The following ANO3 variants were observed in gnomAD, a reference collection of about 807,000 sequenced individuals.
The protein encoded by ANO3 is anoctamin 3.
A neutral mutation model predicts 144.8 loss-of-function variants in ANO3; 99 were observed. The observed-to-expected ratio is 0.68, with a 90% CI of 0.58 to 0.81. The LOEUF (loss-of-function observed/expected upper bound fraction) is 0.81. Among genes scored for constraint, ANO3 ranks in the 30% least tolerant of loss-of-function variants. The pLI, the probability that ANO3 is intolerant of heterozygous loss-of-function variation, is 0.00. For missense variants in ANO3, 905 were observed against 1,202.2 expected (o/e 0.75, Z 3.66); for synonymous variants, 414 against 392.6 (o/e 1.05, Z -0.64).
chr11:26,222,277 C>T (rs561857629), intron 1 of ANO3, among the ~76,000 whole-genome samples: 17 of 152,384 alleles, frequency 1.1e-4, no homozygotes, highest in Middle Eastern at 3.4e-3. Flanking sequence ...CCCTGGACTC[C>T]ATATACCACA....
intron 3 of ANO3, among the ~76,000 whole-genome samples, chr11:26,456,525 A>G (rs931200283): frequency 1.4e-5 from 2 of 145,010 alleles, no homozygotes; most frequent in Non-Finnish European, 3.0e-5. Context: ...CCACAATGAG[A>G]TATCATCTCA....
chr11:26,579,137 T>C (rs972418430), intron 14 of ANO3, among the ~76,000 whole-genome samples: 1 of 152,226 alleles, frequency 6.6e-6, no homozygotes, highest in East Asian at 1.9e-4. Flanking sequence ...TATTATAACT[T>C]ATCTTACCAC....
At chr11:26,363,579 G>C (rs1378552310) in intron 1 of ANO3, among the ~76,000 whole-genome samples, 2 of 152,072 alleles carry the variant, frequency 1.3e-5, no homozygotes, top group Non-Finnish European at 2.9e-5. Context: ...AACCAAAAAT[G>C]CCTCTTTAAA....
chr11:26,511,974 C>G (rs1475275309), intron 5 of ANO3, among the ~76,000 whole-genome samples: 1 of 152,068 alleles, frequency 6.6e-6, no homozygotes, highest in East Asian at 1.9e-4. Context: ...TAGTTTAAGA[C>G]TTTTGATCAT....
intron 1 of ANO3, among the ~76,000 whole-genome samples, chr11:26,193,539 C>A (rs1165484926): frequency 6.6e-6 from 1 of 152,100 alleles, no homozygotes. Context: ...TTTGATTGCC[C>A]TTTACTTTTT....
intron 13 of ANO3, among the ~76,000 whole-genome samples, chr11:26,558,861 T>G (rs1850171012): frequency 6.6e-6 from 1 of 152,060 alleles, no homozygotes; most frequent in Non-Finnish European, 1.5e-5. Flanking sequence ...TACTGTTCTT[T>G]AACCCATGAT....
chr11:26,399,827 C>T (rs868660580), intron 1 of ANO3, among the ~76,000 whole-genome samples: 12 of 152,044 alleles, frequency 7.9e-5, no homozygotes, highest in Middle Eastern at 3.4e-3. Context: ...AGTCTTTCTC[C>T]CTGCCCTTTG....
At chr11:26,402,329 A>C (rs191149797) in intron 1 of ANO3, among the ~76,000 whole-genome samples, 1 of 152,030 alleles carries the variant, frequency 6.6e-6, no homozygotes, top group Non-Finnish European at 1.5e-5. Context: ...AATAATAACT[A>C]TTCTCACTGG....
At chr11:26,481,948 C>T (rs1860235469) in intron 4 of ANO3, among the ~76,000 whole-genome samples, 2 of 151,984 alleles carry the variant, frequency 1.3e-5, no homozygotes, top group South Asian at 2.1e-4. Flanking sequence ...ACTGGAGTGC[C>T]GTGGTGAAAT....
chr11:26,641,885 C>G lies in ANO3; in HGVS notation c.2142-11C>G. ...AGAGCTCAAAAGTCCTTGGTCTGCT[C>G]TGTGATGTAGGTTGATCCAGAACTG... is the stretch of plus-strand genomic sequence containing the variant. On this transcript the variant is annotated splice_polypyrimidine_tract_variant and intron_variant, in intron 21 of 26. Coordinates refer to ENST00000256737, the MANE Select transcript of ANO3 (RefSeq NM_031418.4). 6.2e-7 allele frequency: 1 copy of G among 1,613,574 alleles called. No individual in the cohort carries two copies. Among genetic ancestry groups the G allele is most frequent in the Non-Finnish European group, 8.5e-7 (1 of 1,179,782 alleles).
intron 3 of ANO3, among the ~76,000 whole-genome samples, chr11:26,448,277 C>T: frequency 8.4e-6 from 1 of 119,754 alleles, no homozygotes; most frequent in Non-Finnish European, 1.7e-5. Context: ...CCAGCCTGGG[C>T]AACAAAAGCG....
At chr11:26,509,612 G>A (rs980559779) in intron 5 of ANO3, among the ~76,000 whole-genome samples, 3 of 151,924 alleles carry the variant, frequency 2.0e-5, no homozygotes, top group Non-Finnish European at 2.9e-5. Context: ...TGCGCCCGGC[G>A]CTACTATTGG....
At chr11:26,624,094 G>A (rs920914179) in intron 17 of ANO3, among the ~76,000 whole-genome samples, 1 of 151,978 alleles carries the variant, frequency 6.6e-6, no homozygotes, top group African/African-American at 2.4e-5. Flanking sequence ...CCAAAAAACT[G>A]TAATTTTGAG....
At chr11:26,191,106 G>C (rs529412595) in intron 1 of ANO3, among the ~76,000 whole-genome samples, 6 of 152,008 alleles carry the variant, frequency 3.9e-5, no homozygotes, top group South Asian at 2.1e-4. Context: ...AAGAAACCCT[G>C]TGTCTACTAA....
At position 26,452,936 on chromosome 11, in the gene ANO3, A is replaced by C. The variant is rs1445051075; in HGVS notation, c.313+9100A>C. Among the ~76,000 whole-genome samples the C allele has an allele frequency of 2.0e-5, 3 of 152,330 alleles. No homozygotes were observed. The East Asian group carries it at 5.8e-4, about 29-fold the overall frequency. On this transcript the variant is annotated intron_variant, in intron 3 of 26. Transcript: ENST00000256737. The stretch of plus-strand genomic sequence containing the variant: ...TGGGGCCCAATATTCAACATTCTTA[A>C]AGAAAACAATTTTCAACCCAGAATT...
At chr11:26,632,657 AG>A (rs1852825186) in intron 18 of ANO3, among the ~76,000 whole-genome samples, 1 of 151,280 alleles carries the variant, frequency 6.6e-6, no homozygotes, top group Non-Finnish European at 1.5e-5. Context: ...TATGCCCAAC[AG>A]GAACACAAAT....
chr11:26,540,076 A>G (rs1849606694), intron 10 of ANO3, among the ~76,000 whole-genome samples: 1 of 152,080 alleles, frequency 6.6e-6, no homozygotes, highest in African/African-American at 2.4e-5. Context: ...TTTAGGGAAC[A>G]CTCTGCTCTA....
At chr11:26,447,803 C>A (rs955826259) in intron 3 of ANO3, among the ~76,000 whole-genome samples, 2 of 152,188 alleles carry the variant, frequency 1.3e-5, no homozygotes, top group Non-Finnish European at 2.9e-5. Flanking sequence ...CTCAAAAGTG[C>A]TGACCCTTGT....
At chr11:26,587,691 T>A (rs147968220) in intron 14 of ANO3, among the ~76,000 whole-genome samples, 27 of 152,208 alleles carry the variant, frequency 1.8e-4, no homozygotes, top group African/African-American at 6.5e-4. Context: ...GTGCGGTGGC[T>A]CACACCTGCA....
Sources: gnomAD v4.1 joint callset for allele counts (sites outside exome capture counted in the v4.1 genomes callset) on GRCh38, gnomAD v4.1.1 for gene constraint, MANE v1.5 for transcripts, NCBI Gene and HGNC (gene_info 2026-07-23, HGNC 2026-07-21) for gene names.